B4GALT1: variants seen among roughly 807,000 people sequenced by gnomAD.
B4GALT1 encodes N-acetyllactosamine synthase.
In B4GALT1, 16 loss-of-function variants were observed where a neutral mutation model predicts 34.9. That is an observed-to-expected ratio of 0.46 (90% CI 0.31 to 0.70). B4GALT1 has a LOEUF of 0.70. Among genes scored for constraint, B4GALT1 ranks in the 30% least tolerant of loss-of-function variants. The pLI, the probability that B4GALT1 is intolerant of heterozygous loss-of-function variation, is 0.05. For synonymous variants in B4GALT1, 221 were observed against 218.1 expected (o/e 1.01, Z -0.12); for missense variants, 445 against 530.5 (o/e 0.84, Z 1.58).
the B4GALT1 span, among the ~76,000 whole-genome samples, chr9:33,181,461 A>ACAC: frequency 4.6e-5 from 3 of 65,172 alleles, no homozygotes; most frequent in Admixed American, 4.1e-4. Context: ...CACACACACA[A>ACAC]ACTATTCTTA....
At chr9:33,162,494 G>A (rs1336878693) in intron 1 of B4GALT1, among the ~76,000 whole-genome samples, 1 of 152,134 alleles carries the variant, frequency 6.6e-6, no homozygotes, top group African/African-American at 2.4e-5. Context: ...TGCCTTAGCC[G>A]TCACGGATAT....
chr9:33,129,305 G>T (rs1446581114), intron 2 of B4GALT1, among the ~76,000 whole-genome samples: 1 of 152,206 alleles, frequency 6.6e-6, no homozygotes, highest in Non-Finnish European at 1.5e-5. Flanking sequence ...TAGGTTTTCT[G>T]CATTTTTCCT....
chr9:33,123,098 C>T (rs542300473), intron 2 of B4GALT1, among the ~76,000 whole-genome samples: 8 of 151,798 alleles, frequency 5.3e-5, no homozygotes, highest in South Asian at 2.1e-4. Context: ...GCCAACATGG[C>T]GAAAGCCCGT....
In B4GALT1 at chr9:33,113,078, G is replaced by T; in HGVS notation, c.*376C>A. The T allele has an allele frequency of 3.6e-6, 1 of 279,496 alleles. No individual in the cohort carries two copies. The highest frequency in any genetic ancestry group is 7.0e-6 in the Non-Finnish European group (1 of 141,852). 17.3% of individuals were successfully genotyped at this position (279,496 alleles called of 1,614,324 possible). A position where few individuals can be genotyped will look rare whatever the true frequency, so the allele number is the denominator to read the frequency against. On this transcript the variant is annotated 3_prime_UTR_variant, in exon 6 of 6. Transcript: ENST00000379731. ...TTAGCAGCACTCTCCGAATTTTCAC[G>T]AATAAGAAAACCATAATTTAAAGAA...
chr9:33,181,883 T>C, the B4GALT1 span, among the ~76,000 whole-genome samples: 1 of 152,098 alleles, frequency 6.6e-6, no homozygotes, highest in Non-Finnish European at 1.5e-5. Context: ...AAATTGATTC[T>C]CTTACAGTTC....
At chr9:33,130,239 GC>G (rs1177143109) in intron 2 of B4GALT1, among the ~76,000 whole-genome samples, 9 of 152,120 alleles carry the variant, frequency 5.9e-5, no homozygotes, top group Non-Finnish European at 1.2e-4. Context: ...TTAATTTAGG[GC>G]TAGTGCTACC....
rs769929115 is a variant in B4GALT1, at chr9:33,166,960, G to C, written c.210C>G (p.Ile70Met). 3.8e-6 allele frequency: 6 copies of C among 1,578,634 alleles called. No homozygotes were observed. Among genetic ancestry groups the C allele is most frequent in the Non-Finnish European group, 5.1e-6 (6 of 1,169,566 alleles). The change falls in exon 1 of 6, where the codon ATC becomes ATG. Residue 70 changes from isoleucine to methionine, a missense_variant. Around this residue, in one of 3 missense-constraint regions of B4GALT1, gnomAD observed 349 missense variants for 395.5 expected, o/e 0.88. Coordinates refer to ENST00000379731, the MANE Select transcript of B4GALT1 (RefSeq NM_001497.4). Reference sequence around the variant, plus strand: ...TCCGGAGCTCCCCGGAGGACTGCCCGATGGCGGCGGCACTGTTCGAGCCGC... The same window carrying C: ...TCCGGAGCTCCCCGGAGGACTGCCCCATGGCGGCGGCACTGTTCGAGCCGC... ...LQGGSNSAAA[I>M]GQSSGELRTG...
chr9:33,177,701 AATTTATT>A, the B4GALT1 span, among the ~76,000 whole-genome samples: 1 of 152,216 alleles, frequency 6.6e-6, no homozygotes, highest in Non-Finnish European at 1.5e-5. Context: ...TTAAAACAAC[AATTTATT>A]ATTTCTTACA....
intron 1 of B4GALT1, among the ~76,000 whole-genome samples, chr9:33,142,006 C>T (rs947656721): frequency 6.6e-6 from 1 of 151,726 alleles, no homozygotes. Context: ...CTTTTTGAGA[C>T]GGAGTCTCAC....
intron 3 of B4GALT1, among the ~76,000 whole-genome samples, chr9:33,119,947 G>A (rs1839995733): frequency 6.6e-6 from 1 of 152,132 alleles, no homozygotes. Context: ...ACTTCGAGAG[G>A]CCAAGGCAGA....
chr9:33,123,466 G>A (rs10813949), intron 2 of B4GALT1, among the ~76,000 whole-genome samples: 56,818 of 151,750 alleles, frequency 0.37, 11,414 homozygotes, highest in East Asian at 0.6. Context: ...CCTCACCCCA[G>A]CCCAGACTTA....
the B4GALT1 span, chr9:33,179,930 C>T: frequency 6.6e-6 from 1 of 152,172 alleles, no homozygotes. Context: ...ATAACTTCCT[C>T]AGTAATATCA....
intron 2 of B4GALT1, among the ~76,000 whole-genome samples, chr9:33,132,801 C>T (rs1054830425): frequency 6.6e-6 from 1 of 152,214 alleles, no homozygotes; most frequent in Non-Finnish European, 1.5e-5. Flanking sequence ...TAGCATCCCA[C>T]CCTCCAGTCT....
intron 1 of B4GALT1, 44 bp downstream of exon 1, chr9:33,166,713 CG>C (rs111399879): frequency 1.1e-5 from 16 of 1,474,496 alleles, no homozygotes; most frequent in African/African-American, 7.1e-5. Flanking sequence ...CGGGGAAATC[CG>C]GGGGGGTCCC....
chr9:33,110,968 T>C lies in B4GALT1; in HGVS notation c.*2486A>G, dbSNP rs546746382. The C allele has an allele frequency of 3.9e-5, 6 of 152,116 alleles. No individual in the cohort carries two copies. In the East Asian group the frequency reaches 5.8e-4, roughly 15 times the overall value. The allele number at this position is 152,116 out of a possible 1,614,324, so 9.4% of individuals were successfully genotyped here. On this transcript the variant is annotated 3_prime_UTR_variant, in exon 6 of 6. Coordinates refer to ENST00000379731, the MANE Select transcript of B4GALT1 (RefSeq NM_001497.4). ...CCAGTTCACACAGAGTCACCAGCAA[T>C]AGGATACACAGAAACAGAAAAGGGC...
intron 2 of B4GALT1, among the ~76,000 whole-genome samples, chr9:33,125,166 C>G (rs896553077): frequency 6.6e-6 from 1 of 152,164 alleles, no homozygotes; most frequent in Non-Finnish European, 1.5e-5. Flanking sequence ...GGACTGGAGA[C>G]AGCAGACAGA....
At chr9:33,139,709 T>G (rs780164666) in intron 1 of B4GALT1, among the ~76,000 whole-genome samples, 2 of 152,204 alleles carry the variant, frequency 1.3e-5, no homozygotes, top group Non-Finnish European at 2.9e-5. Flanking sequence ...TTCAGAATCA[T>G]GCAGACCTGC....
At position 33,135,037 on chromosome 9, in the gene B4GALT1, T is replaced by C. The variant is rs1052052710; in HGVS notation, c.648+152A>G. On this transcript the variant is annotated intron_variant, in intron 2 of 5. Transcript: ENST00000379731. ...AGCACACTGTTTGGCGTTTACCTCA[T>C]CTGCACTGGTGGTGGCTGGGGGGCT... is the stretch of plus-strand genomic sequence containing the variant. The C allele has an allele frequency of 1.3e-4, 99 of 778,770 alleles. No individual in the cohort carries two copies. The African/African-American group carries it at 1.5e-3, about 12-fold the overall frequency. 48.2% of individuals were successfully genotyped at this position (778,770 alleles called of 1,614,324 possible).
At chr9:33,162,859 G>A (rs956511257) in intron 1 of B4GALT1, among the ~76,000 whole-genome samples, 2 of 152,200 alleles carry the variant, frequency 1.3e-5, no homozygotes, top group Non-Finnish European at 2.9e-5. Flanking sequence ...CTGTGTCTAA[G>A]AAAGCGACCA....
Sources: allele counts gnomAD v4.1 joint callset (sites outside exome capture counted in the v4.1 genomes callset), GRCh38; gene constraint gnomAD v4.1.1; regional missense constraint gnomAD v4.1.1; transcripts MANE v1.5; gene names NCBI Gene and HGNC (gene_info 2026-07-23, HGNC 2026-07-21).